Variants in SH3GL2 observed in about 807,000 individuals in gnomAD.
SH3GL2 encodes the protein SH3 domain containing GRB2 like 2, endophilin A1, also known as endophilin-A1.
Under a neutral mutation model 46.0 loss-of-function variants are expected in SH3GL2, and 24 were observed. That is an observed-to-expected ratio of 0.52 (90% CI 0.38 to 0.73). The LOEUF is 0.73. Among genes scored for constraint, SH3GL2 ranks in the 30% least tolerant of loss-of-function variants. The pLI is 0.00. For missense variants in SH3GL2, 413 were observed against 424.2 expected (o/e 0.97, Z 0.23); for synonymous variants, 196 against 147.1 (o/e 1.33, Z -2.40).
intron 1 of SH3GL2, among the ~76,000 whole-genome samples, chr9:17,678,455 A>G (rs546481180): frequency 1.2e-4 from 18 of 152,144 alleles, no homozygotes; most frequent in Middle Eastern, 3.4e-3. Context: ...GTCTGTTCAT[A>G]TCCTTCGCCC....
chr9:17,697,029 T>C (rs1821220525), intron 1 of SH3GL2, among the ~76,000 whole-genome samples: 1 of 150,712 alleles, frequency 6.6e-6, no homozygotes, highest in Non-Finnish European at 1.5e-5. Context: ...GTTGGAACCT[T>C]GATACTGTCC....
At chr9:17,679,635 G>T (rs996102013) in intron 1 of SH3GL2, among the ~76,000 whole-genome samples, 1 of 152,132 alleles carries the variant, frequency 6.6e-6, no homozygotes, top group Non-Finnish European at 1.5e-5. Context: ...TCTCCTGCCT[G>T]ATTGCCCTGG....
At chr9:17,703,618 C>T (rs892435372) in intron 1 of SH3GL2, among the ~76,000 whole-genome samples, 1 of 152,036 alleles carries the variant, frequency 6.6e-6, no homozygotes, top group Non-Finnish European at 1.5e-5. Context: ...ATCAAGTAGT[C>T]GTTATCCCTG....
intron 1 of SH3GL2, among the ~76,000 whole-genome samples, chr9:17,633,329 A>G (rs1366423609): frequency 6.6e-6 from 1 of 152,178 alleles, no homozygotes; most frequent in Non-Finnish European, 1.5e-5. Context: ...GTGCACATCC[A>G]TTGTGGGAGG....
At position 17,789,505 on chromosome 9, in the gene SH3GL2, T is replaced by C. The variant is rs1333548805; in HGVS notation, c.579T>C (p.Ser193=). 4 of 1,613,348 alleles carry C rather than the reference T, an allele frequency of 2.5e-6. No individual in the cohort carries two copies. The highest frequency in any genetic ancestry group is 3.4e-6 in the Non-Finnish European group (4 of 1,179,562). The change falls in exon 6 of 9, where the codon TCT becomes TCC. Residue 193 remains serine (S), a synonymous_variant. Transcript: ENST00000380607. The stretch of plus-strand genomic sequence containing the variant: ...AAGCTCTAGAGAAATTTGATGAGTC[T>C]AAGGAAATTGCTGAGTCAAGCATGT... ...LRQALEKFDE[S]KEIAESSMFN...
At chr9:17,620,181 A>G (rs1199762596) in intron 1 of SH3GL2, among the ~76,000 whole-genome samples, 2 of 152,208 alleles carry the variant, frequency 1.3e-5, no homozygotes, top group Non-Finnish European at 2.9e-5. Flanking sequence ...AGCTGGTAGA[A>G]ATAAGGATAG....
intron 1 of SH3GL2, among the ~76,000 whole-genome samples, chr9:17,688,526 C>T (rs1294990890): frequency 2.0e-5 from 3 of 151,968 alleles, no homozygotes; most frequent in Non-Finnish European, 4.4e-5. Context: ...GCTCTGGTTT[C>T]CAATACCATC....
intron 1 of SH3GL2, among the ~76,000 whole-genome samples, chr9:17,669,313 G>A (rs900141923): frequency 6.6e-6 from 1 of 151,998 alleles, no homozygotes; most frequent in African/African-American, 2.4e-5. Flanking sequence ...TATTTACTTC[G>A]GTGCCATTCT....
chr9:17,766,273 G>A (rs1484487995), intron 3 of SH3GL2, among the ~76,000 whole-genome samples: 7 of 152,178 alleles, frequency 4.6e-5, no homozygotes, highest in Admixed American at 2.0e-4. Context: ...GAGAACGCAG[G>A]ACAGACAGCT....
At chr9:17,699,153 CAAAAAAA>C (rs3084657) in intron 1 of SH3GL2, among the ~76,000 whole-genome samples, 6 of 86,506 alleles carry the variant, frequency 6.9e-5, no homozygotes, top group Non-Finnish European at 1.3e-4. Context: ...GACTCTGTCT[CAAAAAAA>C]AAAAAAAAAA....
At chr9:17,631,371 C>T (rs1194060945) in intron 1 of SH3GL2, among the ~76,000 whole-genome samples, 2 of 152,178 alleles carry the variant, frequency 1.3e-5, no homozygotes, top group Non-Finnish European at 2.9e-5. Context: ...TCCCCTCTTG[C>T]TCAGGCATAG....
At chr9:17,583,086 G>A (rs1409117747) in intron 1 of SH3GL2, among the ~76,000 whole-genome samples, 1 of 152,136 alleles carries the variant, frequency 6.6e-6, no homozygotes, top group Non-Finnish European at 1.5e-5. Context: ...ATGAATTTTG[G>A]GAGGGGCACA....
At chr9:17,697,875 A>G (rs1037332554) in intron 1 of SH3GL2, among the ~76,000 whole-genome samples, 1 of 152,050 alleles carries the variant, frequency 6.6e-6, no homozygotes, top group African/African-American at 2.4e-5. Flanking sequence ...CCTTTGCTCT[A>G]TTGTCATGAT....
At chr9:17,615,935 A>G (rs2134590433) in intron 1 of SH3GL2, among the ~76,000 whole-genome samples, 1 of 152,206 alleles carries the variant, frequency 6.6e-6, no homozygotes, top group East Asian at 1.9e-4. Flanking sequence ...TGATAGAAAA[A>G]TTGTTGTTCT....
chr9:17,610,408 GC>G (rs2134579655), intron 1 of SH3GL2, among the ~76,000 whole-genome samples: 1 of 152,268 alleles, frequency 6.6e-6, no homozygotes, highest in South Asian at 2.1e-4. Flanking sequence ...GCCATTAAAG[GC>G]ATGTTATATT....
At chr9:17,721,678 C>T (rs1213763647) in intron 1 of SH3GL2, among the ~76,000 whole-genome samples, 2 of 152,154 alleles carry the variant, frequency 1.3e-5, no homozygotes, top group South Asian at 2.1e-4. Flanking sequence ...ACATGTTCCT[C>T]ACTATATATT....
At chr9:17,610,634 G>A (rs886216850) in intron 1 of SH3GL2, among the ~76,000 whole-genome samples, 4 of 152,130 alleles carry the variant, frequency 2.6e-5, no homozygotes, top group African/African-American at 9.7e-5. Context: ...TGGCTGAATA[G>A]TGTTGAATTT....
intron 3 of SH3GL2, among the ~76,000 whole-genome samples, chr9:17,777,176 C>T (rs1823664381): frequency 1.3e-5 from 2 of 151,956 alleles, no homozygotes; most frequent in South Asian, 4.1e-4. Context: ...ATATTGTTAC[C>T]CAAGGACTCA....
chr9:17,637,581 A>T (rs1250529939), intron 1 of SH3GL2, among the ~76,000 whole-genome samples: 1 of 152,228 alleles, frequency 6.6e-6, no homozygotes, highest in Non-Finnish European at 1.5e-5. Flanking sequence ...AGTGGCAACA[A>T]CATTATCTTT....
Sources: gnomAD v4.1 joint callset for allele counts (sites outside exome capture counted in the v4.1 genomes callset) on GRCh38, gnomAD v4.1.1 for gene constraint, MANE v1.5 for transcripts, NCBI Gene and HGNC (gene_info 2026-07-23, HGNC 2026-07-21) for gene names.